Variants in STS observed in about 807,000 individuals in gnomAD.
The protein encoded by STS is steroid sulfatase.
In STS, 7 loss-of-function variants were observed where a neutral mutation model predicts 26.8. The observed-to-expected ratio is 0.26, with a 90% CI of 0.15 to 0.49. STS has a LOEUF of 0.49. Ranked by LOEUF, STS falls within the 20% of genes least tolerant of loss-of-function variation. The probability of loss-of-function intolerance (pLI) is 0.98; values close to 1 mark genes in which losing one functional copy is unlikely to be tolerated. For synonymous variants in STS, 199 were observed against 189.4 expected (o/e 1.05, Z -0.42); for missense variants, 434 against 465.6 (o/e 0.93, Z 0.63).
chrX:7,150,857 C>G (rs991865095), intron 1 of STS, among the ~76,000 whole-genome samples: 5 of 112,121 alleles, frequency 4.5e-5, no homozygotes, highest in African/African-American at 1.6e-4. Flanking sequence ...TAGTTTTTAG[C>G]TTTTCATAAT....
At chrX:7,182,653 A>G (rs1933703467) in intron 1 of STS, among the ~76,000 whole-genome samples, 1 of 111,001 alleles carries the variant, frequency 9.0e-6, no homozygotes, top group African/African-American at 3.3e-5. Flanking sequence ...AATGATAGAA[A>G]TGAGGAAATT....
At chrX:7,260,234 C>T (rs766288932) in intron 6 of STS, among the ~76,000 whole-genome samples, 1 of 112,410 alleles carries the variant, frequency 8.9e-6, no homozygotes, top group African/African-American at 3.2e-5. Flanking sequence ...CACATTTCTT[C>T]AGCCAGAGCT....
chrX:7,279,367 GTGTGTGTGTGTATATATA>G (rs1227448370), intron 7 of STS, among the ~76,000 whole-genome samples: 7 of 92,022 alleles, frequency 7.6e-5, no homozygotes, highest in Admixed American at 4.9e-4. Context: ...GTATATGTGT[GTGTGTGTGTGTATATATA>G]TGTGTGTGTA....
At chrX:7,237,190 C>A (rs1401878181) in intron 2 of STS, among the ~76,000 whole-genome samples, 3 of 101,922 alleles carry the variant, frequency 2.9e-5, no homozygotes, top group Non-Finnish European at 6.0e-5. Context: ...GGCCAGAACC[C>A]CCCCAAAAAC....
intron 1 of STS, among the ~76,000 whole-genome samples, chrX:7,157,348 A>G (rs1933156213): frequency 9.0e-6 from 1 of 111,092 alleles, no homozygotes; most frequent in African/African-American, 3.3e-5. Flanking sequence ...AGGATTTCCC[A>G]CCAACAGTCT....
Position 7,349,981 on chromosome X carries a change from G to A in STS, c.1457G>A (p.Gly486Glu). 2 of 1,211,529 alleles carry A rather than the reference G, an allele frequency of 1.7e-6. No homozygotes were observed. Among genetic ancestry groups the A allele is most frequent in the Non-Finnish European group, 2.2e-6 (2 of 895,399 alleles). ...CFATHVCFCF[G>E]SYVTHHDPPL... ...GCCACACACGTGTGCTTCTGTTTCG[G>A]GAGTTATGTCACCCATCACGACCCA... Residue 486 changes from glycine (G) to glutamate (E), a missense_variant, in exon 11 of 11, where the codon GGG becomes GAG. Coordinates refer to ENST00000674429, the MANE Select transcript of STS (RefSeq NM_001320752.2).
At chrX:7,212,327 C>A (rs751326084) in intron 2 of STS, among the ~76,000 whole-genome samples, 1 of 110,287 alleles carries the variant, frequency 9.1e-6, no homozygotes, top group Non-Finnish European at 1.9e-5. Context: ...AAAAATTAGC[C>A]GGGCATCGTG....
At chrX:7,314,031 G>C (rs1926598082) in intron 8 of STS, among the ~76,000 whole-genome samples, 1 of 111,094 alleles carries the variant, frequency 9.0e-6, no homozygotes, top group Non-Finnish European at 1.9e-5. Context: ...AATACTTATG[G>C]GGAGCGAAAA....
At chrX:7,214,649 C>T (rs901298669) in intron 2 of STS, among the ~76,000 whole-genome samples, 2 of 109,678 alleles carry the variant, frequency 1.8e-5, no homozygotes, top group Admixed American at 9.9e-5. Flanking sequence ...CCATCACACC[C>T]GAGCAGTATA....
intron 2 of STS, among the ~76,000 whole-genome samples, chrX:7,197,858 A>G (rs1174330200): frequency 1.8e-5 from 2 of 111,488 alleles, no homozygotes; most frequent in African/African-American, 6.5e-5. Flanking sequence ...CTCTAACACT[A>G]CTGTATCCCT....
In STS at chrX:7,153,071, C is replaced by T. The variant is rs147558915; in HGVS notation, c.-134+4988C>T. ...AGACCTTACCATGCATTCGAATTTC[C>T]TCTGTCCTGCCAGGATTCTCACTGA... is the stretch of plus-strand genomic sequence containing the variant. On this transcript the variant is annotated intron_variant, in intron 1 of 10. Coordinates refer to ENST00000674429, the MANE Select transcript of STS (RefSeq NM_001320752.2). 6.7e-3 allele frequency among the ~76,000 whole-genome samples: 752 copies of T among 111,850 alleles called. 4 individuals are homozygous for T. The highest frequency in any genetic ancestry group is 0.022 in the African/African-American group (679 of 30,795).
chrX:7,180,312 T>G (rs765060901), intron 1 of STS, among the ~76,000 whole-genome samples: 1 of 111,812 alleles, frequency 8.9e-6, no homozygotes, highest in Non-Finnish European at 1.9e-5. Flanking sequence ...AAGCATTAGA[T>G]TCTCAAAAGG....
At chrX:7,265,376 G>A (rs1307945008) in intron 6 of STS, among the ~76,000 whole-genome samples, 9 of 111,882 alleles carry the variant, frequency 8.0e-5, no homozygotes, top group Admixed American at 7.6e-4. Context: ...CACCTTGTAT[G>A]ACATGTATTT....
chrX:7,257,145 A>G, intron 3 of STS, 97 bp from the exon 4 acceptor site: 1 of 1,129,409 alleles, frequency 8.9e-7, no homozygotes, highest in Non-Finnish European at 1.2e-6. Flanking sequence ...GCGCCACTGC[A>G]CTCCAGCCTG....
chrX:7,301,706 G>A (rs749437779), intron 7 of STS, among the ~76,000 whole-genome samples: 16 of 111,106 alleles, frequency 1.4e-4, no homozygotes, highest in African/African-American at 4.6e-4. Context: ...TCTGTGTTCC[G>A]CCTCCTCATC....
chrX:7,219,498 C>T (rs1441798010), intron 2 of STS: 1 of 1,140,801 alleles, frequency 8.8e-7, no homozygotes. Flanking sequence ...CGGGACCCAG[C>T]TGTAGTGAGG....
chrX:7,153,538 CCTT>C (rs774273666), intron 1 of STS, among the ~76,000 whole-genome samples: 4 of 102,056 alleles, frequency 3.9e-5, no homozygotes, highest in African/African-American at 7.2e-5. Context: ...TTCCTTTCCT[CCTT>C]CTCTCTTTTC....
chrX:7,281,332 C>T (rs1924849234), intron 7 of STS, among the ~76,000 whole-genome samples: 1 of 111,970 alleles, frequency 8.9e-6, no homozygotes. Flanking sequence ...TTCAGTTGCT[C>T]AGGATTGGTA....
rs1210402345 is a variant in STS, at chrX:7,352,620, G to A, written c.*2359G>A. 1 of 111,673 alleles carries A rather than the reference G, an allele frequency of 9.0e-6. No homozygotes were observed. Among genetic ancestry groups the A allele is most frequent in the Non-Finnish European group, 1.9e-5 (1 of 53,186 alleles). 9.2% of individuals were successfully genotyped at this position (111,673 alleles called of 1,213,427 possible). On this transcript the variant is annotated 3_prime_UTR_variant, in exon 11 of 11. Transcript: ENST00000674429. ...TTTGTTGTTTGTTTGCTTGTTTGTT[G>A]CAGGCTGTAAGGCATGGCTGCTTGT...
Sources: allele counts gnomAD v4.1 joint callset (sites outside exome capture counted in the v4.1 genomes callset), GRCh38; gene constraint gnomAD v4.1.1; transcripts MANE v1.5; gene names NCBI Gene and HGNC (gene_info 2026-07-23, HGNC 2026-07-21).